Variants in GRIK1 observed in about 807,000 individuals in gnomAD.
GRIK1 encodes glutamate receptor ionotropic, kainate 1.
In GRIK1, 69 loss-of-function variants were observed where a neutral mutation model predicts 105.7. The observed-to-expected ratio is 0.65, with a 90% CI of 0.54 to 0.80. GRIK1 has a LOEUF of 0.80. Ranked by LOEUF, GRIK1 falls within the 30% of genes least tolerant of loss-of-function variation. GRIK1 has a pLI of 0.00. For synonymous variants in GRIK1, 438 were observed against 431.3 expected, an observed-to-expected ratio of 1.02 and a Z score of -0.19; for missense variants, 1,109 against 1,167.3, an observed-to-expected ratio of 0.95 and a Z score of 0.73.
At chr21:29,886,839 T>C (rs1223179404) in intron 1 of GRIK1, among the ~76,000 whole-genome samples, 4 of 152,068 alleles carry the variant, frequency 2.6e-5, no homozygotes, top group Non-Finnish European at 5.9e-5. Context: ...AGAAGAACTG[T>C]GAGTTATGAG....
chr21:29,895,654 T>C (rs1386583351), intron 1 of GRIK1, among the ~76,000 whole-genome samples: 1 of 152,210 alleles, frequency 6.6e-6, no homozygotes, highest in Non-Finnish European at 1.5e-5. Context: ...GATTTTACTT[T>C]GTCTATAGCA....
At chr21:29,844,741 T>C (rs935178423) in intron 1 of GRIK1, among the ~76,000 whole-genome samples, 2 of 152,256 alleles carry the variant, frequency 1.3e-5, no homozygotes, top group African/African-American at 4.8e-5. Flanking sequence ...TGGCGAGTTA[T>C]AGTACGTCAT....
chr21:29,780,263 G>A (rs544676470), intron 1 of GRIK1, among the ~76,000 whole-genome samples: 2 of 152,228 alleles, frequency 1.3e-5, no homozygotes, highest in South Asian at 2.1e-4. Flanking sequence ...CCCCTTTTCA[G>A]CCATGTCCAT....
At chr21:29,626,126 G>A (rs1243019213) in intron 7 of GRIK1, among the ~76,000 whole-genome samples, 2 of 152,122 alleles carry the variant, frequency 1.3e-5, no homozygotes, top group African/African-American at 4.8e-5. Flanking sequence ...TTTATCACAG[G>A]CTTGGAGGCT....
intron 1 of GRIK1, among the ~76,000 whole-genome samples, chr21:29,833,239 T>C (rs887156537): frequency 7.9e-5 from 12 of 152,208 alleles, no homozygotes; most frequent in South Asian, 2.1e-4. Flanking sequence ...AACAAGTCTC[T>C]AGGAAGTTCC....
chr21:29,729,166 C>T (rs2284461), intron 1 of GRIK1, among the ~76,000 whole-genome samples: 3,955 of 152,212 alleles, frequency 0.026, 135 homozygotes, highest in East Asian at 0.1. Flanking sequence ...TTTTGTAACC[C>T]TGGGCTTCAA....
rs563490183 is a variant in GRIK1 at position 29,912,056 on chromosome 21, CAGAGAGAAAGAA to C, written c.118+27315_118+27326del. Among the ~76,000 whole-genome samples the C allele has an allele frequency of 7.8e-4, 118 of 152,064 alleles. 1 individual carries two copies. The highest frequency in any genetic ancestry group is 3.4e-3 in the Middle Eastern group (1 of 294). On this transcript the variant is annotated intron_variant, in intron 1 of 17. Transcript: ENST00000327783. ...ACATACACACAAACACACATATACA[CAGAGAGAAAGAA>C]AGAGAGAAAATGATAAAGTGGATAT...
At chr21:29,827,392 G>A (rs573381897) in intron 1 of GRIK1, among the ~76,000 whole-genome samples, 7 of 152,022 alleles carry the variant, frequency 4.6e-5, no homozygotes, top group South Asian at 2.1e-4. Context: ...AAATGCTCAG[G>A]CCATGATGAG....
intron 16 of GRIK1, among the ~76,000 whole-genome samples, chr21:29,543,924 A>G (rs1178879583): frequency 6.6e-6 from 1 of 152,154 alleles, no homozygotes; most frequent in South Asian, 2.1e-4. Context: ...CAGCATGTAG[A>G]CTTCATGAAC....
intron 1 of GRIK1, among the ~76,000 whole-genome samples, chr21:29,752,209 C>T (rs1388015408): frequency 6.6e-6 from 1 of 152,152 alleles, no homozygotes; most frequent in Non-Finnish European, 1.5e-5. Flanking sequence ...TGGTAACTTC[C>T]ATGAGATAAG....
chr21:29,719,400 T>A (rs947691837), intron 1 of GRIK1, among the ~76,000 whole-genome samples: 1 of 152,068 alleles, frequency 6.6e-6, no homozygotes, highest in Non-Finnish European at 1.5e-5. Context: ...TTCTGGGATT[T>A]TCCATCAATA....
chr21:29,763,172 T>C (rs1569063676), intron 1 of GRIK1, among the ~76,000 whole-genome samples: 1 of 152,212 alleles, frequency 6.6e-6, no homozygotes, highest in Admixed American at 6.5e-5. Flanking sequence ...TCCCCCATGC[T>C]GTTCTCATGA....
chr21:29,542,521 TTTTTTA>T (rs2089988609), intron 16 of GRIK1, among the ~76,000 whole-genome samples: 2 of 152,200 alleles, frequency 1.3e-5, no homozygotes, highest in South Asian at 4.1e-4. Flanking sequence ...AAATAACAAT[TTTTTTA>T]AGTTATAGAT....
In GRIK1 at chr21:29,689,779, C is replaced by A; in HGVS notation, c.493G>T (p.Val165Phe). Residue 165 changes from valine to phenylalanine, a missense_variant, in exon 3 of 18, where the codon GTC (valine) becomes TTC (phenylalanine). Physicochemically the swap from Val to Phe is conservative, Grantham distance 50 (BLOSUM62 -1). Transcript: ENST00000327783. ...ACTGTTTTCCAGTTGTAATAGAGGA[C>A]CAGATCCAGGATCGCCCTGCTGATA... is the stretch of plus-strand genomic sequence containing the variant. ...AAISRAILDLVLYYNWKTVTV... is the reference protein window; with the variant it reads ...AAISRAILDLFLYYNWKTVTV... 1.2e-6 allele frequency: 2 copies of A among 1,613,888 alleles called. No homozygotes were observed. The highest frequency in any genetic ancestry group is 1.7e-6 in the Non-Finnish European group (2 of 1,179,806).
chr21:29,740,551 A>G (rs575382074), intron 1 of GRIK1, among the ~76,000 whole-genome samples: 1 of 152,274 alleles, frequency 6.6e-6, no homozygotes, highest in African/African-American at 2.4e-5. Context: ...CCACCCCATG[A>G]GGCAGCTCAG....
intron 1 of GRIK1, among the ~76,000 whole-genome samples, chr21:29,734,094 C>T (rs182158626): frequency 6.6e-6 from 1 of 152,166 alleles, no homozygotes; most frequent in East Asian, 1.9e-4. Flanking sequence ...TCTTGTGAGC[C>T]AATACAAACT....
chr21:29,767,337 C>T (rs2065692827), intron 1 of GRIK1, among the ~76,000 whole-genome samples: 1 of 152,054 alleles, frequency 6.6e-6, no homozygotes. Flanking sequence ...ACATTACAGC[C>T]TCTTAATGGG....
intron 1 of GRIK1, among the ~76,000 whole-genome samples, chr21:29,764,749 C>A (rs1011464860): frequency 5.9e-5 from 9 of 152,010 alleles, no homozygotes; most frequent in Non-Finnish European, 8.8e-5. Flanking sequence ...CAGAAAGGTA[C>A]CTGCTCCTCA....
intron 1 of GRIK1, among the ~76,000 whole-genome samples, chr21:29,873,117 G>T (rs2069076726): frequency 6.6e-6 from 1 of 152,152 alleles, no homozygotes; most frequent in South Asian, 2.1e-4. Context: ...AGGAATTAAA[G>T]AATCTTTGAG....
Sources: allele counts gnomAD v4.1 joint callset (sites outside exome capture counted in the v4.1 genomes callset), GRCh38; gene constraint gnomAD v4.1.1; transcripts MANE v1.5; gene names NCBI Gene and HGNC (gene_info 2026-07-23, HGNC 2026-07-21).